RIMKLB: variants seen among roughly 807,000 people sequenced by gnomAD.
The protein encoded by RIMKLB is beta-citrylglutamate synthase B.
RIMKLB carries 7 observed loss-of-function variants against 32.0 expected under a neutral mutation model. That is an observed-to-expected ratio of 0.22 (90% CI 0.12 to 0.41). RIMKLB has a LOEUF of 0.41. Among genes scored for constraint, RIMKLB ranks in the 10% least tolerant of loss-of-function variants. The pLI, the probability that RIMKLB is intolerant of heterozygous loss-of-function variation, is 1.00. For missense variants in RIMKLB, 289 were observed against 498.7 expected (o/e 0.58, Z 4.00); for synonymous variants, 172 against 185.1 (o/e 0.93, Z 0.57).
At chr12:8,721,526 A>C (rs1326483873) in intron 2 of RIMKLB, among the ~76,000 whole-genome samples, 2 of 152,172 alleles carry the variant, frequency 1.3e-5, no homozygotes, top group African/African-American at 4.8e-5. Flanking sequence ...GAAGCAACTC[A>C]TCTGTTCAGC....
chr12:8,759,124 A>C (rs1032132466), intron 5 of RIMKLB, among the ~76,000 whole-genome samples: 2 of 152,162 alleles, frequency 1.3e-5, no homozygotes, highest in Non-Finnish European at 2.9e-5. Flanking sequence ...ATGGCCAGGC[A>C]CAGTGGCTCA....
At chr12:8,722,932 T>C (rs1261861027) in intron 2 of RIMKLB, among the ~76,000 whole-genome samples, 1 of 152,258 alleles carries the variant, frequency 6.6e-6, no homozygotes. Flanking sequence ...AGATAAGGCT[T>C]TGCCTTAAGG....
intron 2 of RIMKLB, among the ~76,000 whole-genome samples, chr12:8,734,040 T>TA (rs1946784417): frequency 6.6e-6 from 1 of 152,072 alleles, no homozygotes; most frequent in African/African-American, 2.4e-5. Flanking sequence ...TAGAGGACAA[T>TA]AAAATAGTGG....
At chr12:8,736,448 G>A (rs549573918) in intron 2 of RIMKLB, among the ~76,000 whole-genome samples, 23 of 151,170 alleles carry the variant, frequency 1.5e-4, no homozygotes, top group Non-Finnish European at 2.4e-4. Context: ...TTGCCACTCC[G>A]TGTAGTTTGT....
At chr12:8,686,133 G>T (rs986195236) in intron 1 of RIMKLB, among the ~76,000 whole-genome samples, 2 of 151,950 alleles carry the variant, frequency 1.3e-5, no homozygotes, top group Non-Finnish European at 2.9e-5. Context: ...GTAGAGACAG[G>T]GTTTCACCAT....
chr12:8,741,551 G>A (rs770653634), intron 2 of RIMKLB, among the ~76,000 whole-genome samples: 10 of 151,644 alleles, frequency 6.6e-5, no homozygotes, highest in Non-Finnish European at 1.5e-4. Flanking sequence ...GTGGTGAGGC[G>A]GGTGGATCAC....
chr12:8,684,030 G>C (rs1340338679), intron 1 of RIMKLB, among the ~76,000 whole-genome samples: 1 of 152,164 alleles, frequency 6.6e-6, no homozygotes, highest in East Asian at 1.9e-4. Flanking sequence ...TTATAGGCTT[G>C]AGCCACTGCG....
intron 2 of RIMKLB, among the ~76,000 whole-genome samples, chr12:8,714,448 G>T (rs59824700): frequency 0.038 from 5,750 of 152,152 alleles, 330 homozygotes; most frequent in African/African-American, 0.12. Context: ...AAAATACCTT[G>T]TTTATAAGGT....
chr12:8,724,850 T>C (rs754053927), intron 2 of RIMKLB, among the ~76,000 whole-genome samples: 11 of 152,272 alleles, frequency 7.2e-5, no homozygotes, highest in African/African-American at 2.2e-4. Context: ...TTTACTGATA[T>C]AGGGCTGGTG....
chr12:8,683,761 G>C (rs1942483603), intron 1 of RIMKLB, among the ~76,000 whole-genome samples: 2 of 151,986 alleles, frequency 1.3e-5, no homozygotes, highest in South Asian at 4.1e-4. Flanking sequence ...TTGTTTGTTT[G>C]TTTGAGACAG....
chr12:8,774,354 T>A lies in RIMKLB; in HGVS notation c.*570T>A, dbSNP rs1426149790. ...TTTTTTTGTTTTTTCCCGCTTAATT[T>A]GGTGGGAGGTCAAATTGAATATAAC... On this transcript the variant is annotated 3_prime_UTR_variant, in exon 6 of 6. Transcript: ENST00000535829. 28 of 985,876 alleles carry A rather than the reference T, an allele frequency of 2.8e-5. No individual in the cohort carries two copies. The highest frequency in any genetic ancestry group is 1.7e-5 in the Non-Finnish European group (14 of 830,058). The allele number at this position is 985,876 out of a possible 1,614,324, so 61.1% of individuals were successfully genotyped here.
chr12:8,677,502 T>C (rs2136510079), upstream of RIMKLB, among the ~76,000 whole-genome samples: 1 of 152,282 alleles, frequency 6.6e-6, no homozygotes, highest in East Asian at 1.9e-4. Context: ...CAGTCATTAC[T>C]CTTAACAGAG....
intron 1 of RIMKLB, among the ~76,000 whole-genome samples, chr12:8,686,482 G>T (rs1250270889): frequency 6.7e-6 from 1 of 149,262 alleles, no homozygotes; most frequent in Non-Finnish European, 1.5e-5. Flanking sequence ...TTTATTCAGG[G>T]TTTTCTTTCG....
At chr12:8,746,848 C>T (rs925399512) in intron 2 of RIMKLB, among the ~76,000 whole-genome samples, 7 of 152,098 alleles carry the variant, frequency 4.6e-5, no homozygotes, top group African/African-American at 1.7e-4. Context: ...TCAAATTATC[C>T]TCCTACCTCA....
At chr12:8,724,116 G>A (rs187775620) in intron 2 of RIMKLB, among the ~76,000 whole-genome samples, 62 of 152,198 alleles carry the variant, frequency 4.1e-4, no homozygotes, top group Middle Eastern at 3.4e-3. Context: ...CACCACACCT[G>A]GCCATTCTTC....
At chr12:8,703,040 C>T (rs1943535472) in intron 1 of RIMKLB, among the ~76,000 whole-genome samples, 1 of 152,202 alleles carries the variant, frequency 6.6e-6, no homozygotes, top group Non-Finnish European at 1.5e-5. Context: ...AATCCCAACA[C>T]TTTGTGGGGC....
At chr12:8,768,069 G>T (rs1950114220) in intron 5 of RIMKLB, among the ~76,000 whole-genome samples, 1 of 152,178 alleles carries the variant, frequency 6.6e-6, no homozygotes, top group South Asian at 2.1e-4. Flanking sequence ...TGGCCTCAGG[G>T]ATTCCAAGGA....
chr12:8,754,181 T>C (rs948681975), intron 5 of RIMKLB, 88 bp downstream of exon 5: 8 of 948,812 alleles, frequency 8.4e-6, no homozygotes, highest in Non-Finnish European at 1.3e-5. Context: ...CTCTAGACCT[T>C]CTTAATAAGT....
In RIMKLB at chr12:8,714,052, A is replaced by T; in HGVS notation, c.175+11A>T. On this transcript the variant is annotated intron_variant, in intron 2 of 5. Coordinates refer to ENST00000535829, the MANE Select transcript of RIMKLB (RefSeq NM_001297776.2). The stretch of plus-strand genomic sequence containing the variant: ...AGCAAGGAAACCTGGGTAAGTCTGT[A>T]TACTAAGTGATCTTTTGGATTTTTA... 1 of 1,610,882 alleles carries T rather than the reference A, an allele frequency of 6.2e-7. No homozygotes were observed.
Sources: allele counts gnomAD v4.1 joint callset (sites outside exome capture counted in the v4.1 genomes callset), GRCh38; gene constraint gnomAD v4.1.1; transcripts MANE v1.5; gene names NCBI Gene and HGNC (gene_info 2026-07-23, HGNC 2026-07-21).